The following PACRGL variants were observed in gnomAD, a reference collection of about 807,000 sequenced individuals.
PACRGL encodes the protein PACRG-like protein.
Under a neutral mutation model 34.5 loss-of-function variants are expected in PACRGL, and 38 were observed. The observed-to-expected ratio is 1.10, with a 90% CI of 0.85 to 1.44. The LOEUF (loss-of-function observed/expected upper bound fraction) is 1.44. Among genes scored for constraint, PACRGL ranks in the 40% most tolerant of loss-of-function variants. The pLI is 0.00. For missense variants in PACRGL, 305 were observed against 281.4 expected (o/e 1.08, Z -0.60); for synonymous variants, 128 against 100.1 (o/e 1.28, Z -1.66).
chr4:20,736,252 T>C (rs929530165), downstream of PACRGL, among the ~76,000 whole-genome samples: 3 of 152,204 alleles, frequency 2.0e-5, no homozygotes, highest in Non-Finnish European at 2.9e-5. Context: ...TTTTTTCCAC[T>C]TAAGCATAAA....
downstream of PACRGL, among the ~76,000 whole-genome samples, chr4:20,754,466 C>T (rs544274338): frequency 6.6e-6 from 1 of 152,332 alleles, no homozygotes; most frequent in South Asian, 2.1e-4. Context: ...ATGGCCATCA[C>T]ATGAATTCGC....
In PACRGL at chr4:20,709,703, AAC is replaced by A. The variant is rs1736204332; in HGVS notation, c.300_301del (p.His100GlnfsTer9). The A allele has an allele frequency of 6.2e-7, 1 of 1,607,176 alleles. No individual in the cohort carries two copies. On this transcript the variant is annotated frameshift_variant, in exon 5 of 9. Transcript: ENST00000503585. LOFTEE classifies it high-confidence loss of function. Reference sequence around the variant, plus strand: ...TTTAGATTGGTACATGGTTCAGTAAAACACAGATTACAGTGGGAATGTCCTCC... The same window carrying A: ...TTTAGATTGGTACATGGTTCAGTAAAACAGATTACAGTGGGAATGTCCTCC...
chr4:20,746,383 G>A (rs577103875), intron 8 of PACRGL, among the ~76,000 whole-genome samples: 1 of 151,938 alleles, frequency 6.6e-6, no homozygotes. Context: ...AGGGTGGGGG[G>A]CTAGGGGAGG....
chr4:20,707,746 G>T (rs368801552), intron 3 of PACRGL, 57 bp from the exon 4 acceptor site: 1 of 1,443,376 alleles, frequency 6.9e-7, no homozygotes. Context: ...CAAAATGGCT[G>T]TGTGCTTCTG....
At chr4:20,709,119 A>G (rs1051869172) in intron 4 of PACRGL, among the ~76,000 whole-genome samples, 32 of 152,214 alleles carry the variant, frequency 2.1e-4, no homozygotes, top group African/African-American at 6.8e-4. Flanking sequence ...AGCCTGGGCA[A>G]CAAGAGTGAA....
At chr4:20,760,429 C>T in the PACRGL span, among the ~76,000 whole-genome samples, 8 of 152,190 alleles carry the variant, frequency 5.3e-5, no homozygotes, top group Admixed American at 1.3e-4. Context: ...TGTTCCCTCA[C>T]TAATAAACTT....
In PACRGL at chr4:20,710,158, G is replaced by A. The variant is rs73108124; in HGVS notation, c.366+385G>A. Among the ~76,000 whole-genome samples, 188 of 152,232 alleles carry A rather than the reference G, an allele frequency of 1.2e-3. 1 individual carries two copies. Among genetic ancestry groups the A allele is most frequent in the African/African-American group, 4.4e-3 (182 of 41,550 alleles). On this transcript the variant is annotated intron_variant, in intron 5 of 8. Coordinates refer to ENST00000503585, the MANE Select transcript of PACRGL (RefSeq NM_001258345.3). ...AGTGGTTCTATGTACAACCAATCGTGTTGACATGATGTGTTTCTTAGGGAA... is the reference window on the plus strand; with the variant it reads ...AGTGGTTCTATGTACAACCAATCGTATTGACATGATGTGTTTCTTAGGGAA...
chr4:20,740,963 AACAG>A (rs1750929847), intron 8 of PACRGL, among the ~76,000 whole-genome samples: 1 of 152,200 alleles, frequency 6.6e-6, no homozygotes, highest in Non-Finnish European at 1.5e-5. Context: ...CAAAGATCAA[AACAG>A]ACAAAGAAGG....
intron 3 of PACRGL, among the ~76,000 whole-genome samples, chr4:20,705,957 A>T (rs1478059425): frequency 6.7e-6 from 1 of 149,656 alleles, no homozygotes; most frequent in Non-Finnish European, 1.5e-5. Context: ...AGGTGTGTTC[A>T]TTTTTTGTGA....
Position 20,731,982 on chromosome 4 carries a change from A to G in PACRGL, c.*4641A>G. 2.5e-6 allele frequency: 4 copies of G among 1,612,526 alleles called. No individual in the cohort carries two copies. The highest frequency in any genetic ancestry group is 2.5e-6 in the Non-Finnish European group (3 of 1,179,498). ...TAGCTGTTATGATAGCTGAATTGAT[A>G]GTTATTACACTTTCATTACTTACTT... On this transcript the variant is annotated 3_prime_UTR_variant, in exon 9 of 9. Coordinates refer to ENST00000503585, the MANE Select transcript of PACRGL (RefSeq NM_001258345.3).
chr4:20,749,475 A>G (rs1336822160), intron 8 of PACRGL, among the ~76,000 whole-genome samples: 1 of 152,200 alleles, frequency 6.6e-6, no homozygotes, highest in African/African-American at 2.4e-5. Context: ...ATTAGAAAAT[A>G]AACTGAATGT....
intron 7 of PACRGL, among the ~76,000 whole-genome samples, chr4:20,715,795 G>A (rs1350300759): frequency 6.6e-6 from 1 of 152,084 alleles, no homozygotes; most frequent in Non-Finnish European, 1.5e-5. Context: ...AACCTTGGAG[G>A]TGGAGGTTGT....
chr4:20,709,785 A>G lies in PACRGL; in HGVS notation c.366+12A>G. 6.5e-7 allele frequency: 1 copy of G among 1,547,344 alleles called. No individual in the cohort carries two copies. Among genetic ancestry groups the G allele is most frequent in the Non-Finnish European group, 8.9e-7 (1 of 1,121,642 alleles). ...TTACTTTAGCTGAGGTAAATATGCC[A>G]TCTCTTGAATATTTATCAGAAAATA... On this transcript the variant is annotated intron_variant, in intron 5 of 8. Coordinates refer to ENST00000503585, the MANE Select transcript of PACRGL (RefSeq NM_001258345.3).
chr4:20,751,922 G>A (rs1753708559), intron 8 of PACRGL, among the ~76,000 whole-genome samples: 1 of 152,150 alleles, frequency 6.6e-6, no homozygotes, highest in Non-Finnish European at 1.5e-5. Flanking sequence ...GCATAGTGGA[G>A]TCAGACTGCC....
In PACRGL at chr4:20,729,250, G is replaced by T. The variant is rs1407166274; in HGVS notation, c.*1909G>T. The T allele has an allele frequency of 2.0e-5, 3 of 151,764 alleles. No individual in the cohort carries two copies. Among genetic ancestry groups the T allele is most frequent in the African/African-American group, 4.9e-5 (2 of 41,202 alleles). 9.4% of individuals were successfully genotyped at this position (151,764 alleles called of 1,614,324 possible). ...CTATATACTGGAGGATAGATATCCT[G>T]ACCCTTTGCATATGTCTGTAAACAT... On this transcript the variant is annotated 3_prime_UTR_variant, in exon 9 of 9. Coordinates refer to ENST00000503585, the MANE Select transcript of PACRGL (RefSeq NM_001258345.3).
chr4:20,747,734 C>T, intron 8 of PACRGL, among the ~76,000 whole-genome samples: 1 of 152,110 alleles, frequency 6.6e-6, no homozygotes, highest in East Asian at 1.9e-4. Context: ...GGCCCAGAAT[C>T]TTCGCAGTTG....
At chr4:20,735,530 G>GTTTT (rs10542507), downstream of PACRGL, among the ~76,000 whole-genome samples, 2 of 109,714 alleles carry the variant, frequency 1.8e-5, no homozygotes, top group Non-Finnish European at 3.6e-5. Flanking sequence ...TTTTTTTTTT[G>GTTTT]TTTTTTTTTT....
intron 4 of PACRGL, among the ~76,000 whole-genome samples, chr4:20,708,924 C>G (rs1458740708): frequency 1.3e-4 from 20 of 150,038 alleles, no homozygotes; most frequent in Admixed American, 3.3e-4. Flanking sequence ...GTCAGGAGTT[C>G]GAGACCAGCC....
chr4:20,721,383 T>C (rs1325631768), intron 7 of PACRGL, among the ~76,000 whole-genome samples: 3 of 152,206 alleles, frequency 2.0e-5, no homozygotes, highest in African/African-American at 7.2e-5. Context: ...TGTGTTCCTT[T>C]GGAGGGGGAG....
Sources: allele counts gnomAD v4.1 joint callset (sites outside exome capture counted in the v4.1 genomes callset), GRCh38; gene constraint gnomAD v4.1.1; transcripts MANE v1.5; gene names NCBI Gene and HGNC (gene_info 2026-07-23, HGNC 2026-07-21).